Variants in PEX26 observed in about 807,000 individuals in gnomAD.
PEX26 encodes the protein peroxisomal biogenesis factor 26.
PEX26 carries 18 observed loss-of-function variants against 31.4 expected under a neutral mutation model. The observed-to-expected ratio is 0.57, with a 90% CI of 0.40 to 0.85. The LOEUF is 0.85. Ranked by LOEUF, PEX26 falls within the 40% of genes least tolerant of loss-of-function variation. The pLI, the probability that PEX26 is intolerant of heterozygous loss-of-function variation, is 0.00. For missense variants in PEX26, 377 were observed against 383.9 expected (o/e 0.98, Z 0.15); for synonymous variants, 176 against 166.9 (o/e 1.05, Z -0.42).
Position 18,078,182 on chromosome 22 carries a change from C to G in PEX26, c.-195C>G. On this transcript the variant is annotated 5_prime_UTR_variant, in exon 1 of 5. Transcript: ENST00000399744. Reference sequence around the variant, plus strand: ...TCTGACGTGTAAACTGCTTCCCCAGCCTCCAGGCGAGCCCAGCTTTTGCCT... The same window carrying G: ...TCTGACGTGTAAACTGCTTCCCCAGGCTCCAGGCGAGCCCAGCTTTTGCCT... The G allele has an allele frequency of 1.4e-6, 1 of 700,206 alleles. No homozygotes were observed. Among genetic ancestry groups the G allele is most frequent in the South Asian group, 1.5e-5 (1 of 66,744 alleles). The allele number at this position is 700,206 out of a possible 1,614,324, so 43.4% of individuals were successfully genotyped here. A position where few individuals can be genotyped will look rare whatever the true frequency, so the allele number is the denominator to read the frequency against.
intron 4 of PEX26, 106 bp from the exon 5 acceptor site, chr22:18,087,866 A>AAAACC: frequency 1.2e-6 from 1 of 819,966 alleles, no homozygotes; most frequent in Admixed American, 1.7e-5. Context: ...AAAACAAAAC[A>AAAACC]AAACCAACTA....
intron 2 of PEX26, chr22:18,081,405 T>C (rs1926600421): frequency 6.5e-6 from 1 of 153,642 alleles, no homozygotes; most frequent in African/African-American, 2.4e-5. Context: ...TTTTATTTTT[T>C]TCACCTGGCC....
Position 18,097,568 on chromosome 22 carries a change from C to G in PEX26, c.*9493C>G, listed in dbSNP as rs1441670914. 6.6e-6 allele frequency: 1 copy of G among 151,366 alleles called. No individual in the cohort carries two copies. The highest frequency in any genetic ancestry group is 2.1e-4 in the South Asian group (1 of 4,776). 9.4% of individuals were successfully genotyped at this position (151,366 alleles called of 1,614,324 possible). A position where few individuals can be genotyped will look rare whatever the true frequency, so the allele number is the denominator to read the frequency against. ...ATGAGCCACCGTGCCTGGCCACAGC[C>G]ATTAGTTTTAAATTTACTCTTCCAG... On this transcript the variant is annotated 3_prime_UTR_variant, in exon 5 of 5. Coordinates refer to ENST00000399744, the MANE Select transcript of PEX26 (RefSeq NM_001127649.3).
In PEX26 at chr22:18,079,587, C is replaced by T. The variant is rs542407767; in HGVS notation, c.231-287C>T. On this transcript the variant is annotated intron_variant, in intron 1 of 4. Transcript: ENST00000399744. ...ACACCGGTGCTGTGTGTTATTTCCC[C>T]CTCAGGATTACCCTTCCTCTTCATT... Among the ~76,000 whole-genome samples, 3 of 152,286 alleles carry T rather than the reference C, an allele frequency of 2.0e-5. No homozygotes were observed. The South Asian group carries it at 6.2e-4, about 32-fold the overall frequency.
rs1926477371 is a variant in PEX26 at position 18,079,877 on chromosome 22, A to AC, written c.234_235insC (p.Glu80GlyfsTer35). 2 of 1,614,006 alleles carry AC rather than the reference A, an allele frequency of 1.2e-6. No individual in the cohort carries two copies. Among genetic ancestry groups the AC allele is most frequent in the Admixed American group, 3.3e-5 (2 of 60,002 alleles). ...AAATTGGTTTTTCTGCTGACAGCTC[A>AC]TTGGAGGTGAAGTGCTCCCTGTGTG... On this transcript the variant is annotated frameshift_variant, in exon 2 of 5. Coordinates refer to ENST00000399744, the MANE Select transcript of PEX26 (RefSeq NM_001127649.3). LOFTEE classifies it high-confidence loss of function.
intron 2 of PEX26, among the ~76,000 whole-genome samples, chr22:18,081,151 T>TTATA (rs60289884): frequency 1.6e-3 from 230 of 141,364 alleles, no homozygotes; most frequent in African/African-American, 4.9e-3. Context: ...TAGTATTCCA[T>TTATA]TATATATATA....
chr22:18,085,402 G>T, intron 4 of PEX26, 144 bp downstream of exon 4: 1 of 881,764 alleles, frequency 1.1e-6, no homozygotes, highest in Non-Finnish European at 1.8e-6. Context: ...CCACAAGGAG[G>T]AATTGCTAGA....
Position 18,078,404 on chromosome 22 carries a change from G to A in PEX26, c.28G>A (p.Ala10Thr). 1 of 1,596,474 alleles carries A rather than the reference G, an allele frequency of 6.3e-7. No individual in the cohort carries two copies. The highest frequency in any genetic ancestry group is 8.5e-7 in the Non-Finnish European group (1 of 1,174,022). The change falls in exon 1 of 5, where the codon GCC (alanine) becomes ACC (threonine). Residue 10 changes from alanine (A) to threonine (T), a missense_variant. Physicochemically the swap from Ala to Thr is moderately conservative, Grantham distance 58 (BLOSUM62 0). Transcript: ENST00000399744. MKSDSSTSA[A>T]PLRGLGGPLR... is the part of the protein sequence containing the mutation. ...GAAGAGCGATTCTTCGACCTCTGCA[G>A]CCCCCCTCAGGGGGCTCGGGGGACC...
rs376064578 is a variant in PEX26 at position 18,092,931 on chromosome 22, C to T, written c.*4856C>T. 7 of 151,950 alleles carry T rather than the reference C, an allele frequency of 4.6e-5. No individual in the cohort carries two copies. The highest frequency in any genetic ancestry group is 1.9e-4 in the East Asian group (1 of 5,168). The allele number at this position is 151,950 out of a possible 1,614,324, so 9.4% of individuals were successfully genotyped here. On this transcript the variant is annotated 3_prime_UTR_variant, in exon 5 of 5. Coordinates refer to ENST00000399744, the MANE Select transcript of PEX26 (RefSeq NM_001127649.3). ...GATACAGAAAAAGAATAACTTGCTT[C>T]ATATGTCCCAAAAAGAGAAAAAAAT...
Position 18,081,179 on chromosome 22 carries a change from G to A in PEX26, c.371+1165G>A, listed in dbSNP as rs972275558. Among the ~76,000 whole-genome samples, 8 of 144,934 alleles carry A rather than the reference G, an allele frequency of 5.5e-5. No homozygotes were observed. In the South Asian group the frequency reaches 1.1e-3, roughly 20 times the overall value. ...TATATATATATATATATATATATGC[G>A]TGTGTGTATATATATACACATATAT... is the stretch of plus-strand genomic sequence containing the variant. On this transcript the variant is annotated intron_variant, in intron 2 of 4. Coordinates refer to ENST00000399744, the MANE Select transcript of PEX26 (RefSeq NM_001127649.3).
chr22:18,080,353 G>A (rs1926510835), intron 2 of PEX26, among the ~76,000 whole-genome samples: 1 of 151,850 alleles, frequency 6.6e-6, no homozygotes, highest in Non-Finnish European at 1.5e-5. Flanking sequence ...TTTTTGAGAC[G>A]GAGTCTCGCC....
Position 18,078,322 on chromosome 22 carries a change from TG to T in PEX26, c.-51del. On this transcript the variant is annotated 5_prime_UTR_variant, in exon 1 of 5. An upstream open reading frame in the 5' UTR loses its in-frame stop. Transcript: ENST00000399744. ...CCAACTCGGGATATCCCGGAGCCTCTGGGGAGGCGGTCACTCCGACGTCTGA... is the reference window on the plus strand; with the variant it reads ...CCAACTCGGGATATCCCGGAGCCTCTGGGAGGCGGTCACTCCGACGTCTGA... The T allele has an allele frequency of 1.5e-6, 2 of 1,305,572 alleles. No individual in the cohort carries two copies. The highest frequency in any genetic ancestry group is 2.2e-6 in the Non-Finnish European group (2 of 918,524). 80.9% of individuals were successfully genotyped at this position (1,305,572 alleles called of 1,614,324 possible). A position where few individuals can be genotyped will look rare whatever the true frequency, so the allele number is the denominator to read the frequency against.
Position 18,078,405 on chromosome 22 carries a change from C to A in PEX26, c.29C>A (p.Ala10Asp). The A allele has an allele frequency of 3.8e-6, 6 of 1,598,524 alleles. No individual in the cohort carries two copies. The highest frequency in any genetic ancestry group is 5.1e-6 in the Non-Finnish European group (6 of 1,174,612). The change falls in exon 1 of 5, where the codon GCC becomes GAC. Residue 10 changes from alanine to aspartate, a missense_variant. Coordinates refer to ENST00000399744, the MANE Select transcript of PEX26 (RefSeq NM_001127649.3). MKSDSSTSA[A>D]PLRGLGGPLR... ...AAGAGCGATTCTTCGACCTCTGCAG[C>A]CCCCCTCAGGGGGCTCGGGGGACCC... is the stretch of plus-strand genomic sequence containing the variant.
rs770645243 is a variant in PEX26 at position 18,085,208 on chromosome 22, G to A, written c.764G>A (p.Ser255Asn). 44 of 1,614,042 alleles carry A rather than the reference G, an allele frequency of 2.7e-5. No homozygotes were observed. In the South Asian group the frequency reaches 4.5e-4, roughly 17 times the overall value. Residue 255 changes from serine to asparagine, a missense_variant, in exon 4 of 5, where the codon AGT becomes AAT. By Grantham distance (46) the Ser-to-Asn change is conservative (BLOSUM62 1). Coordinates refer to ENST00000399744, the MANE Select transcript of PEX26 (RefSeq NM_001127649.3). ...SHFFSLPFKK[S>N]LLAALILCLL... ...TTCTTTTCTCTGCCCTTCAAAAAGA[G>A]TCTCCTGGCTGCCTTGATCCTCTGT...
At position 18,083,532 on chromosome 22, in the gene PEX26, A is replaced by G. The variant is rs993595741; in HGVS notation, c.467A>G (p.Tyr156Cys). Residue 156 changes from tyrosine to cysteine, a missense_variant, in exon 3 of 5, where the codon TAT (tyrosine) becomes TGT (cysteine). Tyr to Cys is a radical substitution (Grantham distance 194). Transcript: ENST00000399744. Reference protein sequence around the residue: ...QDPANQNLPEYGALAEFHVQR... With the variant: ...QDPANQNLPECGALAEFHVQR... ...CCAGCCAATCAAAACCTTCCAGAAT[A>G]TGGAGCCTTGGCAGAATTTCACGTG... 6.2e-7 allele frequency: 1 copy of G among 1,613,986 alleles called. No individual in the cohort carries two copies. The highest frequency in any genetic ancestry group is 8.5e-7 in the Non-Finnish European group (1 of 1,179,956).
intron 2 of PEX26, among the ~76,000 whole-genome samples, chr22:18,081,151 T>TTATATATATATATATATA (rs60289884): frequency 1.4e-5 from 2 of 141,284 alleles, no homozygotes; most frequent in African/African-American, 5.1e-5. Context: ...TAGTATTCCA[T>TTATATATATATATATATA]TATATATATA....
At chr22:18,080,114 C>T in intron 2 of PEX26, 100 bp downstream of exon 2, 2 of 1,308,798 alleles carry the variant, frequency 1.5e-6, no homozygotes, top group East Asian at 2.4e-5. Context: ...TACTATTGCC[C>T]TCCAGATCGG....
chr22:18,080,498 T>A (rs1325410174), intron 2 of PEX26, among the ~76,000 whole-genome samples: 1 of 152,016 alleles, frequency 6.6e-6, no homozygotes, highest in African/African-American at 2.4e-5. Context: ...CCCGGCTAAT[T>A]TTTTTGTGTT....
At chr22:18,081,245 T>TAC (rs59081749) in intron 2 of PEX26, among the ~76,000 whole-genome samples, 3,947 of 138,080 alleles carry the variant, frequency 0.029, 82 homozygotes, top group South Asian at 0.086. Context: ...TGTACACATA[T>TAC]ACACACACAC....
Sources: allele counts gnomAD v4.1 joint callset (sites outside exome capture counted in the v4.1 genomes callset), GRCh38; gene constraint gnomAD v4.1.1; transcripts MANE v1.5; gene names NCBI Gene and HGNC (gene_info 2026-07-23, HGNC 2026-07-21).